The following EYS variants were observed in gnomAD, a reference collection of about 807,000 sequenced individuals.
EYS encodes the protein EGF-like photoreceptor maintenance factor.
EYS carries 250 observed loss-of-function variants against 282.1 expected under a neutral mutation model. That is an observed-to-expected ratio of 0.89 (90% CI 0.80 to 0.98). The LOEUF is 0.98. Ranked by LOEUF, EYS falls within the 50% of genes least tolerant of loss-of-function variation. EYS has a pLI of 0.00. For synonymous variants in EYS, 1,355 were observed against 1,282.9 expected (o/e 1.06, Z -1.20); for missense variants, 4,016 against 3,709.0 (o/e 1.08, Z -2.15).
intron 24 of EYS, among the ~76,000 whole-genome samples, chr6:64,614,993 A>G (rs1397095870): frequency 6.6e-6 from 1 of 152,112 alleles, no homozygotes; most frequent in Admixed American, 6.6e-5. Flanking sequence ...CAGAGTTGAC[A>G]GAGAAATGAG....
intron 5 of EYS, among the ~76,000 whole-genome samples, chr6:65,445,090 GAA>G (rs34222132): frequency 1.4e-5 from 2 of 145,136 alleles, no homozygotes; most frequent in Admixed American, 6.9e-5. Context: ...GTTAGTACCT[GAA>G]AAAAAAAAAG....
At chr6:65,522,369 G>C (rs1767404880) in intron 2 of EYS, among the ~76,000 whole-genome samples, 1 of 152,182 alleles carries the variant, frequency 6.6e-6, no homozygotes, top group Non-Finnish European at 1.5e-5. Context: ...GGGAGGCTGA[G>C]GCCAGAGGAT....
chr6:63,863,330 G>A (rs1406631579), intron 36 of EYS, among the ~76,000 whole-genome samples: 1 of 152,058 alleles, frequency 6.6e-6, no homozygotes, highest in Non-Finnish European at 1.5e-5. Context: ...TTATATTAGA[G>A]CATCTTGCAG....
chr6:64,881,115 A>G (rs1307113973), intron 19 of EYS, among the ~76,000 whole-genome samples: 1 of 151,740 alleles, frequency 6.6e-6, no homozygotes, highest in Non-Finnish European at 1.5e-5. Flanking sequence ...CTGCATAACA[A>G]GTTCACCTCA....
intron 15 of EYS, among the ~76,000 whole-genome samples, chr6:64,935,323 G>T (rs1485534524): frequency 6.6e-6 from 1 of 151,668 alleles, no homozygotes; most frequent in Non-Finnish European, 1.5e-5. Context: ...AGTGCAAATT[G>T]AGTGAACATT....
chr6:65,423,025 T>C (rs1023413722), intron 5 of EYS, among the ~76,000 whole-genome samples: 10 of 151,616 alleles, frequency 6.6e-5, no homozygotes, highest in African/African-American at 1.7e-4. Context: ...ATAGAAATAA[T>C]TGCTAAAACT....
intron 12 of EYS, among the ~76,000 whole-genome samples, chr6:65,167,480 TA>T (rs1304048242): frequency 2.0e-5 from 3 of 151,276 alleles, no homozygotes; most frequent in South Asian, 4.2e-4. Context: ...GAATTATGTC[TA>T]AAAATACTTT....
chr6:63,938,166 A>AT (rs1301702874), intron 35 of EYS, among the ~76,000 whole-genome samples: 3 of 152,224 alleles, frequency 2.0e-5, no homozygotes, highest in Middle Eastern at 3.2e-3. Flanking sequence ...AGGAAATAGG[A>AT]AACTCAAGTA....
Position 64,896,851 on chromosome 6 carries a change from GA to G in EYS, c.2846+5261del, listed in dbSNP as rs752655957. Among the ~76,000 whole-genome samples the G allele has an allele frequency of 9.9e-5, 15 of 152,170 alleles. No individual in the cohort carries two copies. The East Asian group carries it at 1.7e-3, about 18-fold the overall frequency. The stretch of plus-strand genomic sequence containing the variant: ...AGCCGCCAGGAAGTTCAGACTGGTG[GA>G]GGGGGGGGCCACCACAGTGCCTCAA... On this transcript the variant is annotated intron_variant, in intron 18 of 42. Transcript: ENST00000503581.
intron 28 of EYS, among the ~76,000 whole-genome samples, chr6:64,390,413 G>A (rs998363901): frequency 5.3e-5 from 8 of 152,140 alleles, no homozygotes; most frequent in African/African-American, 1.2e-4. Flanking sequence ...CTCCCAGCAC[G>A]CAGCTGGAGA....
intron 22 of EYS, among the ~76,000 whole-genome samples, chr6:64,732,069 C>G (rs1385683471): frequency 1.3e-5 from 2 of 151,960 alleles, no homozygotes; most frequent in African/African-American, 4.8e-5. Context: ...GAACAGAAAA[C>G]CAAACACCAC....
Position 65,226,779 on chromosome 6 carries a change from C to T in EYS, c.2023+69084G>A, listed in dbSNP as rs116060325. ...AGAATTTTATTCCTTGGTATAAACT[C>T]AAAAGAGTTAATAGTAGTTGTTCAA... On this transcript the variant is annotated intron_variant, in intron 12 of 42. Coordinates refer to ENST00000503581, the MANE Select transcript of EYS (RefSeq NM_001142800.2). 6.5e-3 allele frequency among the ~76,000 whole-genome samples: 985 copies of T among 152,182 alleles called. 11 individuals carry two copies. The highest frequency in any genetic ancestry group is 0.023 in the African/African-American group (935 of 41,512).
At chr6:65,536,939 C>A (rs1417962011) in intron 2 of EYS, among the ~76,000 whole-genome samples, 2 of 152,104 alleles carry the variant, frequency 1.3e-5, no homozygotes, top group Non-Finnish European at 2.9e-5. Flanking sequence ...TACGGCAACG[C>A]TAATAACTAA....
At chr6:64,328,617 C>T (rs557196041) in intron 29 of EYS, among the ~76,000 whole-genome samples, 2 of 152,208 alleles carry the variant, frequency 1.3e-5, no homozygotes, top group South Asian at 2.1e-4. Context: ...AGACATAAAG[C>T]GAAAGCTTCA....
intron 12 of EYS, among the ~76,000 whole-genome samples, chr6:65,186,531 C>T (rs1404496090): frequency 6.6e-6 from 1 of 151,548 alleles, no homozygotes; most frequent in Admixed American, 6.6e-5. Flanking sequence ...TTGAACTATA[C>T]AACACATGAG....
chr6:65,440,328 A>C (rs1456191716), intron 5 of EYS, among the ~76,000 whole-genome samples: 2 of 151,878 alleles, frequency 1.3e-5, no homozygotes, highest in African/African-American at 4.8e-5. Context: ...GTCTACTTGA[A>C]ACTGTCTTGA....
chr6:65,237,123 G>C (rs911812097), intron 12 of EYS, among the ~76,000 whole-genome samples: 20 of 152,066 alleles, frequency 1.3e-4, no homozygotes, highest in African/African-American at 4.8e-4. Flanking sequence ...GTAAACCTGG[G>C]TAATACATCT....
intron 11 of EYS, among the ~76,000 whole-genome samples, chr6:65,297,199 A>G (rs1009318927): frequency 6.6e-6 from 1 of 151,754 alleles, no homozygotes; most frequent in African/African-American, 2.4e-5. Context: ...AAGAAAGCAA[A>G]AGATGAAAAA....
At chr6:64,946,793 A>G (rs566024868) in intron 14 of EYS, among the ~76,000 whole-genome samples, 13 of 152,102 alleles carry the variant, frequency 8.5e-5, no homozygotes, top group African/African-American at 3.1e-4. Context: ...AAGGAATGCC[A>G]AGTATCTCAC....
Sources: allele counts gnomAD v4.1 joint callset (sites outside exome capture counted in the v4.1 genomes callset), GRCh38; gene constraint gnomAD v4.1.1; transcripts MANE v1.5; gene names NCBI Gene and HGNC (gene_info 2026-07-23, HGNC 2026-07-21).